The following RNF115 variants were observed in gnomAD, a reference collection of about 807,000 sequenced individuals.
RNF115 encodes the protein ring finger protein 115, also known as E3 ubiquitin-protein ligase RNF115.
Under a neutral mutation model 39.2 loss-of-function variants are expected in RNF115, and 31 were observed. That is an observed-to-expected ratio of 0.79 (90% CI 0.59 to 1.07). The LOEUF (loss-of-function observed/expected upper bound fraction) is 1.07, where lower values mean the gene tolerates loss of function less well. Ranked by LOEUF, RNF115 falls within the 50% of genes least tolerant of loss-of-function variation. The pLI is 0.00. For missense variants in RNF115, 384 were observed against 381.7 expected (o/e 1.01, Z -0.05); for synonymous variants, 124 against 131.0 (o/e 0.95, Z 0.37).
intron 1 of RNF115, among the ~76,000 whole-genome samples, chr1:145,816,670 A>T (rs1650006534): frequency 6.9e-6 from 1 of 145,094 alleles, no homozygotes; most frequent in African/African-American, 2.4e-5. Flanking sequence ...ATGTAAACTC[A>T]ATACCCAGCC....
intron 1 of RNF115, among the ~76,000 whole-genome samples, chr1:145,790,433 C>A (rs1161277495): frequency 2.0e-5 from 3 of 151,094 alleles, no homozygotes; most frequent in African/African-American, 7.3e-5. Flanking sequence ...AGCCACTGCG[C>A]CCGGCCTTTT....
intron 2 of RNF115, among the ~76,000 whole-genome samples, chr1:145,788,462 T>C (rs1553718426): frequency 6.6e-6 from 1 of 152,212 alleles, no homozygotes; most frequent in Non-Finnish European, 1.5e-5. Context: ...AACAGCCTGT[T>C]TACCTGATTA....
chr1:145,783,332 C>T (rs1648232542), intron 3 of RNF115, among the ~76,000 whole-genome samples: 1 of 152,064 alleles, frequency 6.6e-6, no homozygotes, highest in Non-Finnish European at 1.5e-5. Flanking sequence ...AGCAGAAAAA[C>T]CACCCTAAAT....
chr1:145,823,887 C>A lies in RNF115; in HGVS notation c.-14G>T. 1 of 1,512,794 alleles carries A rather than the reference C, an allele frequency of 6.6e-7. No individual in the cohort carries two copies. The highest frequency in any genetic ancestry group is 1.2e-5 in the South Asian group (1 of 81,480). 93.7% of individuals were successfully genotyped at this position (1,512,794 alleles called of 1,614,324 possible). A position where few individuals can be genotyped will look rare whatever the true frequency, so the allele number is the denominator to read the frequency against. ...AGCCTCCGCCATTTTTGCCCTCCGC[C>A]GCGGCCGTCCGAGAGGGCAGCCGGC... On this transcript the variant is annotated 5_prime_UTR_variant, in exon 1 of 9. Transcript: ENST00000582693.
At chr1:145,763,489 G>T (rs1382489276) in intron 4 of RNF115, among the ~76,000 whole-genome samples, 3 of 152,234 alleles carry the variant, frequency 2.0e-5, no homozygotes, top group African/African-American at 7.2e-5. Context: ...CTTGAGATCA[G>T]GAGTTCGAGA....
chr1:145,766,042 G>C (rs587616716), intron 4 of RNF115, among the ~76,000 whole-genome samples: 1 of 150,026 alleles, frequency 6.7e-6, no homozygotes, highest in Admixed American at 6.6e-5. Flanking sequence ...GGTGTTTCTC[G>C]CAGAGGGAGA....
intron 4 of RNF115, among the ~76,000 whole-genome samples, chr1:145,761,143 T>TAACTGGTTAAC (rs1437697043): frequency 1.3e-5 from 2 of 152,218 alleles, no homozygotes; most frequent in East Asian, 3.8e-4. Flanking sequence ...TGGGTGCTGT[T>TAACTGGTTAAC]AACCAGTTTT....
At chr1:145,762,414 G>A (rs1374281709) in intron 4 of RNF115, among the ~76,000 whole-genome samples, 1 of 152,114 alleles carries the variant, frequency 6.6e-6, no homozygotes, top group East Asian at 1.9e-4. Context: ...TTTCTTCCCA[G>A]TCTCAGGTAT....
chr1:145,792,620 T>C (rs587668382), intron 1 of RNF115, among the ~76,000 whole-genome samples: 24 of 152,080 alleles, frequency 1.6e-4, no homozygotes, highest in Admixed American at 5.2e-4. Flanking sequence ...CAGAAACAAA[T>C]ACAGAGTTTG....
At chr1:145,802,016 G>A (rs1355269970) in intron 1 of RNF115, among the ~76,000 whole-genome samples, 3 of 152,118 alleles carry the variant, frequency 2.0e-5, no homozygotes, top group African/African-American at 7.2e-5. Flanking sequence ...TCGAACTCCT[G>A]AGCTCAAGCA....
Position 145,746,757 on chromosome 1 carries a change from T to C in RNF115, c.*109A>G. On this transcript the variant is annotated 3_prime_UTR_variant, in exon 9 of 9. Coordinates refer to ENST00000582693, the MANE Select transcript of RNF115 (RefSeq NM_014455.4). ...CATTCATTGCATTTATATTATGTGT[T>C]GAGTTTCTTACATATTCCTAAATCC... 1 of 1,050,766 alleles carries C rather than the reference T, an allele frequency of 9.5e-7. No homozygotes were observed. The allele number at this position is 1,050,766 out of a possible 1,614,324, so 65.1% of individuals were successfully genotyped here. A position where few individuals can be genotyped will look rare whatever the true frequency, so the allele number is the denominator to read the frequency against.
chr1:145,759,478 G>A (rs1333588322), intron 4 of RNF115, among the ~76,000 whole-genome samples: 2 of 152,004 alleles, frequency 1.3e-5, no homozygotes, highest in African/African-American at 4.8e-5. Flanking sequence ...TCTTCTTTCT[G>A]TTACACCCCA....
intron 4 of RNF115, among the ~76,000 whole-genome samples, chr1:145,760,913 T>C (rs933506830): frequency 3.0e-4 from 45 of 152,160 alleles, no homozygotes; most frequent in Admixed American, 2.0e-3. Flanking sequence ...AAAATGCTAA[T>C]AGTGATATGG....
intron 4 of RNF115, among the ~76,000 whole-genome samples, chr1:145,766,793 G>GC (rs1237594830): frequency 3.7e-5 from 1 of 27,224 alleles, no homozygotes; most frequent in Non-Finnish European, 5.9e-5. Context: ...GCTGGCCGGG[G>GC]GGGGGGGGGG....
chr1:145,793,493 C>T (rs1447938179), intron 1 of RNF115, among the ~76,000 whole-genome samples: 2 of 152,076 alleles, frequency 1.3e-5, no homozygotes, highest in Non-Finnish European at 2.9e-5. Flanking sequence ...CTCTCTCCCT[C>T]TCTCACTCAT....
intron 1 of RNF115, among the ~76,000 whole-genome samples, chr1:145,791,178 G>C (rs1163786053): frequency 1.3e-5 from 2 of 151,522 alleles, no homozygotes; most frequent in Non-Finnish European, 2.9e-5. Context: ...TTTTTACTAT[G>C]TAAAGAAAGA....
At chr1:145,774,029 C>T (rs1647767156) in intron 3 of RNF115, among the ~76,000 whole-genome samples, 1 of 152,076 alleles carries the variant, frequency 6.6e-6, no homozygotes, top group Admixed American at 6.5e-5. Flanking sequence ...TGTTTCAGTG[C>T]CCTTTCTTCT....
At chr1:145,750,576 G>A in intron 6 of RNF115, 76 bp from the exon 7 acceptor site, 2 of 1,094,990 alleles carry the variant, frequency 1.8e-6, no homozygotes, top group South Asian at 2.6e-5. Flanking sequence ...CTCCAGCTGA[G>A]AACAAACAGT....
chr1:145,801,282 C>G (rs939346264), intron 1 of RNF115, among the ~76,000 whole-genome samples: 1 of 152,138 alleles, frequency 6.6e-6, no homozygotes, highest in Non-Finnish European at 1.5e-5. Context: ...AATAACTATG[C>G]TTTTAGGCCA....
Sources: gnomAD v4.1 joint callset for allele counts (sites outside exome capture counted in the v4.1 genomes callset) on GRCh38, gnomAD v4.1.1 for gene constraint, MANE v1.5 for transcripts, NCBI Gene and HGNC (gene_info 2026-07-23, HGNC 2026-07-21) for gene names.